The following AK5 variants were observed in gnomAD, a reference collection of about 807,000 sequenced individuals.
The protein encoded by AK5 is adenylate kinase 5.
In AK5, 27 loss-of-function variants were observed where a neutral mutation model predicts 69.5. The ratio of observed to expected loss-of-function variants is 0.39; its 90% CI spans 0.29 to 0.54. The LOEUF (loss-of-function observed/expected upper bound fraction) is 0.54. AK5 is among the 20% of genes least tolerant of loss of function. The pLI, the probability that AK5 is intolerant of heterozygous loss-of-function variation, is 0.71. For missense variants in AK5, 531 were observed against 700.4 expected, an observed-to-expected ratio of 0.76 and a Z score of 2.73; for synonymous variants, 260 against 244.4, an observed-to-expected ratio of 1.06 and a Z score of -0.60.
At chr1:77,499,762 T>G (rs1475922588) in intron 10 of AK5, among the ~76,000 whole-genome samples, 1 of 151,554 alleles carries the variant, frequency 6.6e-6, no homozygotes, top group African/African-American at 2.4e-5. Flanking sequence ...GAGAGACCCC[T>G]TGGGAACCTC....
At chr1:77,311,619 CT>C (rs1659966800) in intron 5 of AK5, among the ~76,000 whole-genome samples, 1 of 152,044 alleles carries the variant, frequency 6.6e-6, no homozygotes, top group Admixed American at 6.6e-5. Context: ...AAGATAAACA[CT>C]CCATAGATTT....
intron 10 of AK5, among the ~76,000 whole-genome samples, chr1:77,500,956 G>A (rs960866966): frequency 3.9e-5 from 6 of 152,142 alleles, no homozygotes; most frequent in African/African-American, 1.4e-4. Flanking sequence ...AAACTTCAGA[G>A]CCCATACAGC....
At chr1:77,340,726 CT>C in intron 6 of AK5, 158 bp downstream of exon 6, 1 of 464,238 alleles carries the variant, frequency 2.2e-6, no homozygotes, top group Non-Finnish European at 3.6e-6. Flanking sequence ...CCTGATTTGC[CT>C]TTTTAAGCCA....
At chr1:77,471,070 G>T (rs1239306623) in intron 8 of AK5, among the ~76,000 whole-genome samples, 129 of 150,738 alleles carry the variant, frequency 8.6e-4, no homozygotes, top group African/African-American at 3.1e-3. Context: ...TTTTAGTAGA[G>T]ACGTGGTTTC....
At chr1:77,432,092 T>C (rs1049395435) in intron 8 of AK5, among the ~76,000 whole-genome samples, 1 of 152,148 alleles carries the variant, frequency 6.6e-6, no homozygotes, top group Admixed American at 6.5e-5. Flanking sequence ...TTTTCAGCTG[T>C]TTTTGGTTTT....
At chr1:77,471,059 T>G (rs1353035588) in intron 8 of AK5, among the ~76,000 whole-genome samples, 2 of 150,902 alleles carry the variant, frequency 1.3e-5, no homozygotes, top group African/African-American at 4.9e-5. Context: ...TTTTTTTTTA[T>G]TTTTAGTAGA....
chr1:77,289,862 CAAAAAAAAAA>C (rs55819317), intron 2 of AK5, among the ~76,000 whole-genome samples: 716 of 64,794 alleles, frequency 0.011, 2 homozygotes, highest in Admixed American at 0.017. Flanking sequence ...GACTCCGTCT[CAAAAAAAAAA>C]AAAAAAAAAA....
chr1:77,286,952 T>G lies in AK5; in HGVS notation c.72T>G (p.Asn24Lys). ...EIPQLFESLLNGLMCSKPEDP... is the reference protein window; with the variant it reads ...EIPQLFESLLKGLMCSKPEDP... ...TTGTTATATTTCAGAGCCTTTTGAA[T>G]GGACTGATGTGTTCTAAGCCCGAAG... Residue 24 changes from asparagine (N) to lysine (K), a missense_variant, in exon 2 of 14, where the codon AAT (asparagine) becomes AAG (lysine). Physicochemically the swap from Asn to Lys is moderately conservative, Grantham distance 94 (BLOSUM62 0). Transcript: ENST00000354567. The G allele has an allele frequency of 6.9e-7, 1 of 1,455,646 alleles. No homozygotes were observed. The highest frequency in any genetic ancestry group is 9.1e-7 in the Non-Finnish European group (1 of 1,100,678). 90.2% of individuals were successfully genotyped at this position (1,455,646 alleles called of 1,614,324 possible).
intron 5 of AK5, among the ~76,000 whole-genome samples, chr1:77,305,105 T>C (rs1003911975): frequency 2.6e-5 from 4 of 152,222 alleles, no homozygotes; most frequent in Non-Finnish European, 4.4e-5. Context: ...GAACACTTTT[T>C]CACATGCCCG....
intron 13 of AK5, among the ~76,000 whole-genome samples, chr1:77,552,261 AT>A (rs1659857540): frequency 1.3e-5 from 2 of 152,032 alleles, no homozygotes; most frequent in Non-Finnish European, 2.9e-5. Flanking sequence ...TTGACTATAA[AT>A]TCCCACTTGC....
At chr1:77,384,555 T>C (rs1647872491) in intron 6 of AK5, among the ~76,000 whole-genome samples, 2 of 152,040 alleles carry the variant, frequency 1.3e-5, no homozygotes, top group Non-Finnish European at 2.9e-5. Flanking sequence ...ATCAGAGAGA[T>C]TCAAGTCTTG....
intron 8 of AK5, among the ~76,000 whole-genome samples, chr1:77,459,692 C>A (rs1653708615): frequency 1.3e-5 from 2 of 152,206 alleles, no homozygotes; most frequent in African/African-American, 2.4e-5. Context: ...TAAGCATTAT[C>A]TTGTTCACCT....
chr1:77,495,195 C>T (rs1656237594), intron 10 of AK5, among the ~76,000 whole-genome samples: 1 of 152,100 alleles, frequency 6.6e-6, no homozygotes, highest in Admixed American at 6.5e-5. Flanking sequence ...AAATAACTTT[C>T]CCAAGGTTAC....
At chr1:77,463,570 T>TA (rs3077577) in intron 8 of AK5, among the ~76,000 whole-genome samples, 24,137 of 147,228 alleles carry the variant, frequency 0.16, 2,116 homozygotes, top group Admixed American at 0.22. Flanking sequence ...TGTTTAGCTT[T>TA]AAAAAAAAAA....
intron 8 of AK5, among the ~76,000 whole-genome samples, chr1:77,443,300 A>ACTCCCTAACTGTCTCCTG (rs1652445789): frequency 6.6e-6 from 1 of 151,878 alleles, no homozygotes; most frequent in Admixed American, 6.6e-5. Flanking sequence ...ACTGACTCGT[A>ACTCCCTAACTGTCTCCTG]TTACTCCCTA....
intron 8 of AK5, among the ~76,000 whole-genome samples, chr1:77,452,353 G>A (rs929435377): frequency 6.6e-6 from 1 of 152,138 alleles, no homozygotes; most frequent in South Asian, 2.1e-4. Flanking sequence ...AAAAAGGATA[G>A]CATTGCAATA....
chr1:77,285,056 T>C (rs894538740), intron 1 of AK5, among the ~76,000 whole-genome samples: 1 of 152,170 alleles, frequency 6.6e-6, no homozygotes, highest in Non-Finnish European at 1.5e-5. Flanking sequence ...GGTTTTGGAA[T>C]TGGAAACATT....
chr1:77,475,857 CAT>C (rs1376469615), intron 8 of AK5, among the ~76,000 whole-genome samples: 2 of 152,050 alleles, frequency 1.3e-5, no homozygotes, highest in Non-Finnish European at 2.9e-5. Context: ...AATGGTGCTA[CAT>C]TTGGCATCTG....
chr1:77,458,350 C>T (rs1364486350), intron 8 of AK5, among the ~76,000 whole-genome samples: 1 of 152,156 alleles, frequency 6.6e-6, no homozygotes. Context: ...CAGTGACCCT[C>T]CTGTGCACCA....
Sources: gnomAD v4.1 joint callset for allele counts (sites outside exome capture counted in the v4.1 genomes callset) on GRCh38, gnomAD v4.1.1 for gene constraint, MANE v1.5 for transcripts, NCBI Gene and HGNC (gene_info 2026-07-23, HGNC 2026-07-21) for gene names.